Variants in PRDM2 observed in about 807,000 individuals in gnomAD.
PRDM2 encodes the protein PR domain zinc finger protein 2.
In PRDM2, 30 loss-of-function variants were observed where a neutral mutation model predicts 130.0. The ratio of observed to expected loss-of-function variants is 0.23; its 90% CI spans 0.17 to 0.31. The LOEUF (loss-of-function observed/expected upper bound fraction) is 0.31. PRDM2 is among the 10% of genes least tolerant of loss of function. The pLI, the probability that PRDM2 is intolerant of heterozygous loss-of-function variation, is 1.00. For synonymous variants in PRDM2, 871 were observed against 782.4 expected (o/e 1.11, Z -1.89); for missense variants, 2,011 against 2,108.4 (o/e 0.95, Z 0.90).
At chr1:13,749,776 C>T (rs915592068) in intron 6 of PRDM2, among the ~76,000 whole-genome samples, 1 of 152,056 alleles carries the variant, frequency 6.6e-6, no homozygotes, top group African/African-American at 2.4e-5. Flanking sequence ...TGTGACTTAG[C>T]TCCTGGGCGG....
Position 13,823,845 on chromosome 1 carries a change from T to C in PRDM2, c.*710T>C, listed in dbSNP as rs1479381494. ...TCAGGTGCACCTGGGAGAAAGACTT[T>C]GTCCCCACTTACAGATCTATCTCCT... On this transcript the variant is annotated 3_prime_UTR_variant, in exon 10 of 10. Coordinates refer to ENST00000311066, the MANE Select transcript of PRDM2 (RefSeq NM_001393986.1). 3 of 152,370 alleles carry C rather than the reference T, an allele frequency of 2.0e-5. No individual in the cohort carries two copies. Among genetic ancestry groups the C allele is most frequent in the Admixed American group, 1.3e-4 (2 of 15,286 alleles). 9.4% of individuals were successfully genotyped at this position (152,370 alleles called of 1,614,324 possible). A position where few individuals can be genotyped will look rare whatever the true frequency, so the allele number is the denominator to read the frequency against.
chr1:13,731,342 A>G (rs1005367248), intron 3 of PRDM2, among the ~76,000 whole-genome samples: 8 of 152,110 alleles, frequency 5.3e-5, no homozygotes, highest in Non-Finnish European at 1.2e-4. Flanking sequence ...ACACAAACAC[A>G]CACACACACA....
intron 6 of PRDM2, among the ~76,000 whole-genome samples, chr1:13,761,415 A>G (rs1377365730): frequency 6.6e-6 from 1 of 152,190 alleles, no homozygotes; most frequent in Non-Finnish European, 1.5e-5. Flanking sequence ...AGAAGGTGCT[A>G]ATTAATTTGA....
chr1:13,789,491 C>A (rs1025599114), intron 8 of PRDM2, among the ~76,000 whole-genome samples: 2 of 152,164 alleles, frequency 1.3e-5, no homozygotes, highest in African/African-American at 4.8e-5. Flanking sequence ...CTTTATACTT[C>A]ATATTCCAAA....
chr1:13,823,136 T>G (rs1381885854), intron 9 of PRDM2, 23 bp from the exon 10 acceptor site: 8 of 1,603,350 alleles, frequency 5.0e-6, no homozygotes, highest in Non-Finnish European at 6.8e-6. Context: ...CTGTTATTAT[T>G]TTTATTTTCT....
rs572120242 is a variant in PRDM2 at position 13,763,615 on chromosome 1, T to G, written c.512-9463T>G. ...GTAGAGGCTTTTTCCAAATAGCACT[T>G]GTAAAACTGCGTATTTTACAAAATT... On this transcript the variant is annotated intron_variant, in intron 6 of 9. Coordinates refer to ENST00000311066, the MANE Select transcript of PRDM2 (RefSeq NM_001393986.1). 4.7e-4 allele frequency among the ~76,000 whole-genome samples: 72 copies of G among 152,360 alleles called. 1 individual carries two copies. The highest frequency in any genetic ancestry group is 1.5e-3 in the African/African-American group (63 of 41,584).
chr1:13,816,112 C>T (rs1424595620), intron 8 of PRDM2, among the ~76,000 whole-genome samples: 1 of 152,174 alleles, frequency 6.6e-6, no homozygotes, highest in African/African-American at 2.4e-5. Context: ...CCTGCATGTC[C>T]ACTGGGGGTC....
At chr1:13,720,291 T>C (rs1642681109) in intron 2 of PRDM2, among the ~76,000 whole-genome samples, 1 of 152,240 alleles carries the variant, frequency 6.6e-6, no homozygotes, top group Non-Finnish European at 1.5e-5. Context: ...GCCAATGTTA[T>C]GCTGTAGAGC....
intron 6 of PRDM2, among the ~76,000 whole-genome samples, chr1:13,761,523 G>A (rs1644097849): frequency 6.6e-6 from 1 of 152,082 alleles, no homozygotes; most frequent in South Asian, 2.1e-4. Flanking sequence ...AGTCGCACAG[G>A]TACATTCCTT....
intron 6 of PRDM2, among the ~76,000 whole-genome samples, chr1:13,762,262 A>G (rs375287465): frequency 3.9e-5 from 6 of 152,266 alleles, no homozygotes; most frequent in African/African-American, 1.4e-4. Context: ...TAATCAAATC[A>G]TGGCCCAAGG....
intron 8 of PRDM2, among the ~76,000 whole-genome samples, chr1:13,810,494 TTTC>T (rs1645153646): frequency 2.4e-5 from 1 of 41,394 alleles, no homozygotes; most frequent in Non-Finnish European, 5.5e-5. Context: ...TCTTTTTTCT[TTTC>T]TTTTTTTTTT....
chr1:13,740,494 C>T (rs1643405940), intron 4 of PRDM2, among the ~76,000 whole-genome samples: 1 of 152,184 alleles, frequency 6.6e-6, no homozygotes, highest in South Asian at 2.1e-4. Context: ...AACTACAGTG[C>T]ACCTTCTAGC....
At chr1:13,722,510 T>C (rs1642762928) in intron 2 of PRDM2, among the ~76,000 whole-genome samples, 1 of 152,124 alleles carries the variant, frequency 6.6e-6, no homozygotes, top group Non-Finnish European at 1.5e-5. Context: ...CAATAGAATT[T>C]TTTTTTTTAA....
At chr1:13,742,451 C>T (rs770778180) in intron 5 of PRDM2, among the ~76,000 whole-genome samples, 12 of 152,214 alleles carry the variant, frequency 7.9e-5, no homozygotes, top group African/African-American at 2.7e-4. Context: ...ATCTACCTGC[C>T]TCAGCCTCCC....
At chr1:13,732,733 T>G (rs577857860) in intron 3 of PRDM2, 46 bp from the exon 4 acceptor site, 1 of 1,369,030 alleles carries the variant, frequency 7.3e-7, no homozygotes, top group South Asian at 1.3e-5. Context: ...TTTCAATCTT[T>G]AAAATAACCA....
chr1:13,741,320 T>C (rs1258170752), intron 4 of PRDM2, among the ~76,000 whole-genome samples: 1 of 152,154 alleles, frequency 6.6e-6, no homozygotes, highest in Non-Finnish European at 1.5e-5. Flanking sequence ...TTTTGGTCCT[T>C]TTCTTTTTGA....
At chr1:13,753,743 T>C (rs1643888630) in intron 6 of PRDM2, among the ~76,000 whole-genome samples, 1 of 152,078 alleles carries the variant, frequency 6.6e-6, no homozygotes, top group Non-Finnish European at 1.5e-5. Flanking sequence ...AGCCTTTATG[T>C]AGAAAGAGTG....
intron 5 of PRDM2, among the ~76,000 whole-genome samples, chr1:13,746,396 A>G (rs1187725489): frequency 6.6e-6 from 1 of 151,888 alleles, no homozygotes; most frequent in Non-Finnish European, 1.5e-5. Flanking sequence ...TTTAAAAAAA[A>G]TACTATTATT....
intron 6 of PRDM2, among the ~76,000 whole-genome samples, chr1:13,765,117 T>A (rs1644193256): frequency 6.6e-6 from 1 of 152,244 alleles, no homozygotes; most frequent in East Asian, 1.9e-4. Flanking sequence ...GATCCTCTGA[T>A]AACCACACCC....
Sources: allele counts gnomAD v4.1 joint callset (sites outside exome capture counted in the v4.1 genomes callset), GRCh38; gene constraint gnomAD v4.1.1; transcripts MANE v1.5; gene names NCBI Gene and HGNC (gene_info 2026-07-23, HGNC 2026-07-21).